The following OPCML variants were observed in gnomAD, a reference collection of about 807,000 sequenced individuals.
The protein encoded by OPCML is opioid-binding protein/cell adhesion molecule.
A neutral mutation model predicts 37.8 loss-of-function variants in OPCML; 13 were observed. The ratio of observed to expected loss-of-function variants is 0.34; its 90% CI spans 0.22 to 0.55. The LOEUF (loss-of-function observed/expected upper bound fraction) is 0.55. Among genes scored for constraint, OPCML ranks in the 20% least tolerant of loss-of-function variants. OPCML has a pLI of 0.91. For synonymous variants in OPCML, 176 were observed against 168.8 expected (o/e 1.04, Z -0.33); for missense variants, 341 against 435.6 (o/e 0.78, Z 1.93).
At chr11:132,780,912 A>G (rs1365648093) in intron 2 of OPCML, among the ~76,000 whole-genome samples, 3 of 152,216 alleles carry the variant, frequency 2.0e-5, no homozygotes, top group Non-Finnish European at 2.9e-5. Context: ...GGGAAGTAGT[A>G]TATGCAATAC....
At chr11:133,532,091 G>C in intron 1 of OPCML, 173 bp downstream of exon 1, 2 of 637,120 alleles carry the variant, frequency 3.1e-6, no homozygotes, top group Non-Finnish European at 2.0e-6. Context: ...GCGTGTGAGC[G>C]AGTGAGTGTG....
intron 1 of OPCML, among the ~76,000 whole-genome samples, chr11:133,031,650 G>A (rs1234011356): frequency 6.6e-6 from 1 of 152,084 alleles, no homozygotes; most frequent in Non-Finnish European, 1.5e-5. Flanking sequence ...ATGGGAAGTT[G>A]CCAGGGTGTG....
At chr11:133,027,830 G>T (rs1398421989) in intron 1 of OPCML, among the ~76,000 whole-genome samples, 3 of 1,174 alleles carry the variant, frequency 2.6e-3, no homozygotes, top group Non-Finnish European at 8.4e-3. Context: ...TGTGGGGGGA[G>T]GTGGGGTGGG....
chr11:132,783,851 G>C (rs1205333726), intron 2 of OPCML, among the ~76,000 whole-genome samples: 4 of 151,994 alleles, frequency 2.6e-5, no homozygotes, highest in African/African-American at 4.8e-5. Flanking sequence ...AAATCAATTT[G>C]GTCTGAAATA....
At chr11:133,086,157 T>G (rs986008184) in intron 1 of OPCML, among the ~76,000 whole-genome samples, 1 of 152,246 alleles carries the variant, frequency 6.6e-6, no homozygotes, top group Non-Finnish European at 1.5e-5. Context: ...TCAAATACCT[T>G]ATTCCATCTG....
At chr11:133,114,411 C>T (rs1202443266) in intron 1 of OPCML, among the ~76,000 whole-genome samples, 6 of 152,120 alleles carry the variant, frequency 3.9e-5, no homozygotes, top group Non-Finnish European at 8.8e-5. Context: ...ATCAGCACTA[C>T]CTTCAAGACA....
At chr11:133,531,254 A>G (rs557072853) in intron 1 of OPCML, among the ~76,000 whole-genome samples, 1 of 152,264 alleles carries the variant, frequency 6.6e-6, no homozygotes, top group African/African-American at 2.4e-5. Flanking sequence ...CAATTATCAA[A>G]TCTATTAAGA....
intron 2 of OPCML, among the ~76,000 whole-genome samples, chr11:132,871,012 G>A (rs1025598232): frequency 6.6e-6 from 1 of 151,970 alleles, no homozygotes; most frequent in Non-Finnish European, 1.5e-5. Context: ...TAATAACAAT[G>A]TTTCCTGTTC....
intron 1 of OPCML, among the ~76,000 whole-genome samples, chr11:132,952,649 T>C (rs1158814616): frequency 6.6e-6 from 1 of 152,048 alleles, no homozygotes; most frequent in Non-Finnish European, 1.5e-5. Context: ...GGAACCAACA[T>C]TGTGCGTGAA....
intron 1 of OPCML, among the ~76,000 whole-genome samples, chr11:132,989,690 T>A (rs1005720942): frequency 1.3e-5 from 2 of 151,132 alleles, no homozygotes; most frequent in Non-Finnish European, 2.9e-5. Flanking sequence ...TATGATACTA[T>A]TTTTTAAATA....
At chr11:133,493,159 C>G (rs1044522808) in intron 1 of OPCML, among the ~76,000 whole-genome samples, 1 of 152,200 alleles carries the variant, frequency 6.6e-6, no homozygotes, top group Non-Finnish European at 1.5e-5. Flanking sequence ...CCCCAGAAGG[C>G]CACCCCCATC....
chr11:132,437,134 T>C (rs1484958275), intron 5 of OPCML, 88 bp downstream of exon 5: 1 of 1,541,288 alleles, frequency 6.5e-7, no homozygotes, highest in Non-Finnish European at 8.8e-7. Flanking sequence ...CCTGGGTCCT[T>C]TGGAAAATGG....
intron 3 of OPCML, among the ~76,000 whole-genome samples, chr11:132,550,664 G>C (rs2096379515): frequency 1.3e-5 from 2 of 152,198 alleles, no homozygotes; most frequent in Non-Finnish European, 1.5e-5. Flanking sequence ...GCCTGACTCA[G>C]TCTGTTAGCA....
chr11:133,473,192 A>G (rs1048687257), intron 1 of OPCML, among the ~76,000 whole-genome samples: 1 of 152,190 alleles, frequency 6.6e-6, no homozygotes, highest in African/African-American at 2.4e-5. Flanking sequence ...GCAGGCAACA[A>G]GGTTGACAAA....
At chr11:132,842,741 C>T (rs185734832) in intron 2 of OPCML, among the ~76,000 whole-genome samples, 1 of 152,182 alleles carries the variant, frequency 6.6e-6, no homozygotes, top group African/African-American at 2.4e-5. Flanking sequence ...TCTGTTTAGA[C>T]GCACTGCCAA....
chr11:133,421,511 C>T, intron 1 of OPCML: 1 of 985,396 alleles, frequency 1.0e-6, no homozygotes, highest in Non-Finnish European at 1.2e-6. Context: ...TATTTTTCCT[C>T]TTCGGATTTG....
At chr11:133,074,883 C>G (rs1948597452) in intron 1 of OPCML, among the ~76,000 whole-genome samples, 1 of 152,060 alleles carries the variant, frequency 6.6e-6, no homozygotes, top group South Asian at 2.1e-4. Context: ...CAAAAGTTGC[C>G]CGTAATGAGA....
chr11:132,810,435 G>T (rs1939275116), intron 2 of OPCML, among the ~76,000 whole-genome samples: 2 of 152,188 alleles, frequency 1.3e-5, no homozygotes, highest in Non-Finnish European at 2.9e-5. Flanking sequence ...GCAGGGCACG[G>T]TGGCTCACGC....
chr11:132,801,601 A>G (rs1286854851), intron 2 of OPCML, among the ~76,000 whole-genome samples: 2 of 152,258 alleles, frequency 1.3e-5, no homozygotes, highest in Non-Finnish European at 2.9e-5. Context: ...ATTGAATATT[A>G]GTACTAAAAG....
Sources: allele counts gnomAD v4.1 joint callset (sites outside exome capture counted in the v4.1 genomes callset), GRCh38; gene constraint gnomAD v4.1.1; transcripts MANE v1.5; gene names NCBI Gene and HGNC (gene_info 2026-07-23, HGNC 2026-07-21).